The following ZNF570 variants were observed in gnomAD, a reference collection of about 807,000 sequenced individuals.
ZNF570 encodes zinc finger protein 570.
Under a neutral mutation model 14.2 loss-of-function variants are expected in ZNF570, and 8 were observed. The ratio of observed to expected loss-of-function variants is 0.56; its 90% confidence interval spans 0.33 to 1.02. The LOEUF (loss-of-function observed/expected upper bound fraction) is 1.02. Among genes scored for constraint, ZNF570 ranks in the 50% least tolerant of loss-of-function variants. ZNF570 has a pLI of 0.03. For missense variants in ZNF570, 559 were observed against 624.9 expected (o/e 0.89, Z 1.12); for synonymous variants, 202 against 207.6 (o/e 0.97, Z 0.23).
intron 1 of ZNF570, 65 bp downstream of exon 1, chr19:37,469,622 C>CCATTGACTTCCTCGCACCCA: frequency 6.8e-7 from 1 of 1,467,358 alleles, no homozygotes; most frequent in African/African-American, 1.4e-5. Context: ...TGACTGGGTG[C>CCATTGACTTCCTCGCACCCA]GAGGAAGTCA....
At chr19:37,477,486 C>T (rs2042040948) in intron 4 of ZNF570, among the ~76,000 whole-genome samples, 1 of 151,544 alleles carries the variant, frequency 6.6e-6, no homozygotes, top group African/African-American at 2.4e-5. Context: ...ACTACAGGCA[C>T]CCACCACCAC....
upstream of ZNF570, chr19:37,467,875 A>C: frequency 6.5e-7 from 1 of 1,536,022 alleles, no homozygotes; most frequent in Non-Finnish European, 8.7e-7. Flanking sequence ...CTGACCTTGC[A>C]GTTTTGTCAG....
At chr19:37,479,399 G>A (rs2147015878) in intron 4 of ZNF570, among the ~76,000 whole-genome samples, 1 of 152,132 alleles carries the variant, frequency 6.6e-6, no homozygotes, top group South Asian at 2.1e-4. Context: ...TTTGAGACTT[G>A]CTTTATTTCT....
In ZNF570 at chr19:37,488,316, A is replaced by G. The variant is rs548476727; in HGVS notation, c.*3083A>G. 6.6e-6 allele frequency: 1 copy of G among 152,348 alleles called. No homozygotes were observed. The highest frequency in any genetic ancestry group is 1.5e-5 in the Non-Finnish European group (1 of 68,028). The allele number at this position is 152,348 out of a possible 1,614,324, so 9.4% of individuals were successfully genotyped here. ...AATTGAACTACAGACTATTTTATAT[A>G]ATACAGTATAACGTACAATTTCAAA... On this transcript the variant is annotated 3_prime_UTR_variant, in exon 5 of 5. Transcript: ENST00000330173.
In ZNF570 at chr19:37,484,442, T is replaced by C; in HGVS notation, c.820T>C (p.Tyr274His). Reference protein sequence around the residue: ...HQRIHTGEKPYECKECRKAFS... With the variant: ...HQRIHTGEKPHECKECRKAFS... ...GAGGATTCATACTGGAGAAAAACCC[T>C]ATGAATGTAAGGAATGTAGGAAAGC... Residue 274 changes from tyrosine (Y) to histidine (H), a missense_variant, in exon 5 of 5, where the codon TAT becomes CAT. Transcript: ENST00000330173. 6.2e-7 allele frequency: 1 copy of C among 1,614,102 alleles called. No individual in the cohort carries two copies. Among genetic ancestry groups the C allele is most frequent in the South Asian group, 1.1e-5 (1 of 91,072 alleles).
intron 2 of ZNF570, among the ~76,000 whole-genome samples, chr19:37,474,812 T>C (rs947488481): frequency 6.6e-6 from 1 of 152,118 alleles, no homozygotes; most frequent in Non-Finnish European, 1.5e-5. Flanking sequence ...AAAGGTTGCA[T>C]TGACAGGTTC....
chr19:37,483,530 A>G (rs1196397563), intron 4 of ZNF570, among the ~76,000 whole-genome samples: 1 of 152,208 alleles, frequency 6.6e-6, no homozygotes, highest in Non-Finnish European at 1.5e-5. Context: ...GCAAAAGGTA[A>G]ATATTTGTTC....
At chr19:37,476,237 C>T in intron 3 of ZNF570, 102 bp from the exon 4 acceptor site, 2 of 1,405,690 alleles carry the variant, frequency 1.4e-6, no homozygotes, top group Non-Finnish European at 1.9e-6. Context: ...TCTCTTTTTG[C>T]TTACTGTAAA....
chr19:37,469,430 G>A lies in ZNF570; in HGVS notation c.-179G>A, dbSNP rs1476438078. 9 of 1,533,212 alleles carry A rather than the reference G, an allele frequency of 5.9e-6. No homozygotes were observed. The highest frequency in any genetic ancestry group is 7.9e-6 in the Non-Finnish European group (9 of 1,144,922). 95.0% of individuals were successfully genotyped at this position (1,533,212 alleles called of 1,614,324 possible). A position where few individuals can be genotyped will look rare whatever the true frequency, so the allele number is the denominator to read the frequency against. On this transcript the variant is annotated 5_prime_UTR_variant, in exon 1 of 5. Transcript: ENST00000330173. ...GGTGAGACCCGAGTGCAGATTCCCC[G>A]AGCCTTCGGGGCAGGAAGGAGATCT... is the stretch of plus-strand genomic sequence containing the variant.
chr19:37,481,275 TC>T, intron 4 of ZNF570, among the ~76,000 whole-genome samples: 1 of 152,128 alleles, frequency 6.6e-6, no homozygotes, highest in Non-Finnish European at 1.5e-5. Flanking sequence ...TGCCTCAGCC[TC>T]CCGAGTAGCT....
chr19:37,476,692 G>C (rs2042028064), intron 4 of ZNF570, among the ~76,000 whole-genome samples: 2 of 146,812 alleles, frequency 1.4e-5, no homozygotes, highest in Admixed American at 1.4e-4. Context: ...AAATCTTGTA[G>C]TAGTCTTATA....
chr19:37,472,391 G>A (rs1376518594), intron 2 of ZNF570, among the ~76,000 whole-genome samples: 1 of 151,810 alleles, frequency 6.6e-6, no homozygotes, highest in Non-Finnish European at 1.5e-5. Context: ...ATTTATAGGC[G>A]GGGGTGGGTG....
chr19:37,470,442 A>G (rs1203275276), intron 2 of ZNF570, 55 bp downstream of exon 2: 4 of 1,563,114 alleles, frequency 2.6e-6, no homozygotes, highest in Middle Eastern at 3.3e-4. Context: ...CAAAACAAGC[A>G]GGTACTAATT....
At position 37,476,322 on chromosome 19, in the gene ZNF570, T is replaced by A; in HGVS notation, c.161-17T>A. On this transcript the variant is annotated splice_polypyrimidine_tract_variant and intron_variant, in intron 3 of 4. Transcript: ENST00000330173. ...CACAGCATGACAAAACTCTACTTTT[T>A]TTTTTCGTATTTGCAGGACTTTGCT... The A allele has an allele frequency of 6.2e-7, 1 of 1,612,078 alleles. No individual in the cohort carries two copies. The highest frequency in any genetic ancestry group is 8.5e-7 in the Non-Finnish European group (1 of 1,179,352).
At chr19:37,473,211 T>C (rs1179964242) in intron 2 of ZNF570, among the ~76,000 whole-genome samples, 6 of 152,186 alleles carry the variant, frequency 3.9e-5, no homozygotes, top group Non-Finnish European at 8.8e-5. Flanking sequence ...TCATGCAGCA[T>C]TTCCGCCCAC....
rs1331486776 is a variant in ZNF570 at position 37,485,315 on chromosome 19, G to A, written c.*82G>A. On this transcript the variant is annotated 3_prime_UTR_variant, in exon 5 of 5. Transcript: ENST00000330173. ...ACCTTGGTCTGATTCATCTCACTCT[G>A]ATTACTAATATAGCTTTCAAACAGG... The A allele has an allele frequency of 2.7e-5, 36 of 1,319,042 alleles. No individual in the cohort carries two copies. Among genetic ancestry groups the A allele is most frequent in the Middle Eastern group, 3.8e-4 (2 of 5,244 alleles). 81.7% of individuals were successfully genotyped at this position (1,319,042 alleles called of 1,614,324 possible).
intron 4 of ZNF570, 28 bp downstream of exon 4, chr19:37,476,462 C>A: frequency 6.2e-7 from 1 of 1,606,612 alleles, no homozygotes; most frequent in Non-Finnish European, 8.5e-7. Flanking sequence ...TGGCAAAAAT[C>A]TTTGCACGTG....
chr19:37,477,966 A>G (rs762754829), intron 4 of ZNF570, among the ~76,000 whole-genome samples: 10 of 152,128 alleles, frequency 6.6e-5, no homozygotes, highest in Non-Finnish European at 1.2e-4. Context: ...CCAGTACCAC[A>G]CTGTCTTAAT....
At chr19:37,470,218 G>A (rs2041932914) in intron 1 of ZNF570, 86 bp from the exon 2 acceptor site, 11 of 1,285,628 alleles carry the variant, frequency 8.6e-6, no homozygotes, top group Non-Finnish European at 1.1e-5. Context: ...TGCAAGAGGA[G>A]GAAAGAGAAT....
Sources: allele counts gnomAD v4.1 joint callset (sites outside exome capture counted in the v4.1 genomes callset), GRCh38; gene constraint gnomAD v4.1.1; transcripts MANE v1.5; gene names NCBI Gene and HGNC (gene_info 2026-07-23, HGNC 2026-07-21).